Variants in TSGA10 observed in about 807,000 individuals in gnomAD.
TSGA10 encodes the protein testis-specific gene 10 protein.
TSGA10 carries 43 observed loss-of-function variants against 96.6 expected under a neutral mutation model. The observed-to-expected ratio is 0.44, with a 90% CI of 0.35 to 0.57. The LOEUF (loss-of-function observed/expected upper bound fraction) is 0.57. Ranked by LOEUF, TSGA10 falls within the 20% of genes least tolerant of loss-of-function variation. The pLI is 0.01. For synonymous variants in TSGA10, 229 were observed against 269.9 expected (o/e 0.85, Z 1.48); for missense variants, 703 against 834.4 (o/e 0.84, Z 1.94).
intron 17 of TSGA10, among the ~76,000 whole-genome samples, chr2:99,032,859 C>G (rs1369133560): frequency 1.3e-5 from 2 of 152,164 alleles, no homozygotes; most frequent in Non-Finnish European, 2.9e-5. Flanking sequence ...TAATGAGTCA[C>G]CGTGGTATGC....
chr2:99,006,839 T>C lies in TSGA10; in HGVS notation c.2073-8618A>G, dbSNP rs1340798318. ...TAAATCATGCTATTACAAAGACACA[T>C]GCACACGTATGTTTATTGTGGCACT... On this transcript the variant is annotated intron_variant, in intron 20 of 20. Coordinates refer to ENST00000393483, the MANE Select transcript of TSGA10 (RefSeq NM_025244.4). Among the ~76,000 whole-genome samples, 3 of 152,314 alleles carry C rather than the reference T, an allele frequency of 2.0e-5. No homozygotes were observed. The East Asian group carries it at 5.8e-4, about 29-fold the overall frequency.
At chr2:99,052,232 T>G (rs1020248078) in intron 16 of TSGA10, among the ~76,000 whole-genome samples, 1 of 151,716 alleles carries the variant, frequency 6.6e-6, no homozygotes. Context: ...TGAGAAAACT[T>G]TAGCCAAACT....
intron 10 of TSGA10, among the ~76,000 whole-genome samples, chr2:99,083,596 C>G (rs2087821455): frequency 6.6e-6 from 1 of 152,090 alleles, no homozygotes; most frequent in South Asian, 2.1e-4. Context: ...AGGTGAATAG[C>G]TGAACAAATT....
chr2:99,123,417 G>A (rs779395908), intron 2 of TSGA10, among the ~76,000 whole-genome samples: 3 of 151,894 alleles, frequency 2.0e-5, no homozygotes, highest in Admixed American at 6.6e-5. Flanking sequence ...GTTCACATTA[G>A]GTAATTATTT....
chr2:99,075,962 GAGTC>G (rs2086658674), intron 12 of TSGA10, among the ~76,000 whole-genome samples: 1 of 152,098 alleles, frequency 6.6e-6, no homozygotes, highest in Non-Finnish European at 1.5e-5. Flanking sequence ...TCAAAACAAT[GAGTC>G]AGCCTTTTCC....
intron 16 of TSGA10, among the ~76,000 whole-genome samples, chr2:99,051,909 AT>A (rs1384006167): frequency 6.6e-6 from 1 of 152,094 alleles, no homozygotes; most frequent in Non-Finnish European, 1.5e-5. Flanking sequence ...CAAAAGGAAA[AT>A]TGGAAAATAC....
intron 20 of TSGA10, among the ~76,000 whole-genome samples, chr2:99,003,987 C>T (rs1274277900): frequency 6.6e-6 from 1 of 152,042 alleles, no homozygotes; most frequent in Non-Finnish European, 1.5e-5. Context: ...AAAAACCCTT[C>T]AAAAAATCAA....
chr2:99,118,367 C>T (rs2092387657), intron 3 of TSGA10, among the ~76,000 whole-genome samples, 184 bp downstream of exon 3: 1 of 149,974 alleles, frequency 6.7e-6, no homozygotes, highest in Admixed American at 6.7e-5. Flanking sequence ...ACAAGAATTG[C>T]TTGAACCTGG....
intron 13 of TSGA10, among the ~76,000 whole-genome samples, chr2:99,072,518 C>T (rs1479582742): frequency 3.9e-5 from 6 of 152,068 alleles, no homozygotes; most frequent in Admixed American, 6.5e-5. Context: ...GGTGTCTCTC[C>T]CTCATACAAA....
rs1464521649 is a variant in TSGA10 at position 99,045,304 on chromosome 2, G to C, written c.1405-9865C>G. Among the ~76,000 whole-genome samples, 9 of 152,140 alleles carry C rather than the reference G, an allele frequency of 5.9e-5. No individual in the cohort carries two copies. The East Asian group carries it at 1.7e-3, about 29-fold the overall frequency. On this transcript the variant is annotated intron_variant, in intron 16 of 20. Transcript: ENST00000393483. ...TTGTCAGATTCACCAAAATTGAAAT[G>C]AAGGAAAAAATGTTAAGGGCAGCCA...
intron 17 of TSGA10, among the ~76,000 whole-genome samples, chr2:99,025,661 T>C (rs1247624825): frequency 6.6e-6 from 1 of 152,176 alleles, no homozygotes; most frequent in Non-Finnish European, 1.5e-5. Context: ...TTTTCCAGTG[T>C]TCTAAGTGGA....
intron 17 of TSGA10, among the ~76,000 whole-genome samples, chr2:99,029,977 T>A (rs1011444893): frequency 6.6e-6 from 1 of 152,192 alleles, no homozygotes; most frequent in Non-Finnish European, 1.5e-5. Context: ...GAAAACCCCA[T>A]GGAATCTGCA....
rs146692655 is a variant in TSGA10, at chr2:99,050,416, T to C, written c.1404+14523A>G. On this transcript the variant is annotated intron_variant, in intron 16 of 20. Transcript: ENST00000393483. The stretch of plus-strand genomic sequence containing the variant: ...TATTTTGAAAAGCGCAACTAGTAAG[T>C]AAAATTCAAATATTCCATAATCAGA... Among the ~76,000 whole-genome samples the C allele has an allele frequency of 2.2e-3, 340 of 152,218 alleles. 1 individual carries two copies. The highest frequency in any genetic ancestry group is 7.2e-3 in the African/African-American group (301 of 41,544).
At chr2:99,108,790 A>G (rs763591455) in intron 7 of TSGA10, 43 bp downstream of exon 7, 1 of 1,398,942 alleles carries the variant, frequency 7.1e-7, no homozygotes, top group Admixed American at 2.6e-5. Context: ...TAACTCTAGA[A>G]CTCAATGTTA....
At chr2:99,021,605 G>C (rs2080008629) in intron 17 of TSGA10, among the ~76,000 whole-genome samples, 1 of 152,180 alleles carries the variant, frequency 6.6e-6, no homozygotes, top group Admixed American at 6.5e-5. Context: ...GTTTTGGGTT[G>C]GATAATTATT....
At chr2:99,051,788 C>T (rs542490259) in intron 16 of TSGA10, among the ~76,000 whole-genome samples, 1 of 148,666 alleles carries the variant, frequency 6.7e-6, no homozygotes, top group Non-Finnish European at 1.5e-5. Context: ...TGTTTTCCAA[C>T]CATAATAATA....
chr2:99,126,868 T>G (rs998269950), intron 2 of TSGA10, 180 bp downstream of exon 2: 4 of 421,442 alleles, frequency 9.5e-6, no homozygotes, highest in Non-Finnish European at 1.5e-5. Flanking sequence ...ACACGTAGTT[T>G]GCACTCACTG....
At chr2:99,152,001 T>G (rs945163831) in intron 1 of TSGA10, among the ~76,000 whole-genome samples, 1 of 152,202 alleles carries the variant, frequency 6.6e-6, no homozygotes, top group East Asian at 1.9e-4. Flanking sequence ...AAACAATTGT[T>G]GAATGGGACA....
At chr2:99,127,815 G>A (rs2105001041) in intron 1 of TSGA10, among the ~76,000 whole-genome samples, 1 of 152,212 alleles carries the variant, frequency 6.6e-6, no homozygotes, top group Middle Eastern at 3.4e-3. Flanking sequence ...CAATATTTAT[G>A]GAGAACAATG....
Sources: allele counts gnomAD v4.1 joint callset (sites outside exome capture counted in the v4.1 genomes callset), GRCh38; gene constraint gnomAD v4.1.1; transcripts MANE v1.5; gene names NCBI Gene and HGNC (gene_info 2026-07-23, HGNC 2026-07-21).